KIAA1217: variants seen among roughly 807,000 people sequenced by gnomAD.
KIAA1217 encodes the protein sickle tail protein homolog.
KIAA1217 carries 88 observed loss-of-function variants against 163.9 expected under a neutral mutation model. The observed-to-expected ratio is 0.54, with a 90% CI of 0.45 to 0.64. KIAA1217 has a LOEUF of 0.64. Ranked by LOEUF, KIAA1217 falls within the 30% of genes least tolerant of loss-of-function variation. KIAA1217 has a pLI of 0.00. For synonymous variants in KIAA1217, 903 were observed against 923.1 expected, an observed-to-expected ratio of 0.98 and a Z score of 0.39; for missense variants, 2,372 against 2,475.0, an observed-to-expected ratio of 0.96 and a Z score of 0.88.
intron 2 of KIAA1217, among the ~76,000 whole-genome samples, chr10:24,314,003 C>A (rs558868722): frequency 1.3e-5 from 2 of 152,058 alleles, no homozygotes; most frequent in South Asian, 4.2e-4. Context: ...CCGCGCCCAG[C>A]TAATTTTTGT....
At chr10:24,034,223 T>C (rs1589262791) in intron 2 of KIAA1217, among the ~76,000 whole-genome samples, 1 of 152,262 alleles carries the variant, frequency 6.6e-6, no homozygotes, top group East Asian at 1.9e-4. Flanking sequence ...TCTCCTGGAT[T>C]ACATAACAAG....
chr10:23,882,511 A>G (rs61003584), intron 1 of KIAA1217, among the ~76,000 whole-genome samples: 1 of 151,878 alleles, frequency 6.6e-6, no homozygotes, highest in Non-Finnish European at 1.5e-5. Flanking sequence ...TTGAATTATG[A>G]TTGTTTTATG....
In KIAA1217 at chr10:24,428,148, G is replaced by A. The variant is rs1044777796; in HGVS notation, c.554-4847G>A. Among the ~76,000 whole-genome samples, 10 of 152,292 alleles carry A rather than the reference G, an allele frequency of 6.6e-5. No individual in the cohort carries two copies. In the South Asian group the frequency reaches 1.2e-3, roughly 19 times the overall value. ...GAAAATCAGACCATCTTCTGGGAGC[G>A]AGGCTGTGATACTTAACTGTAGGGA... On this transcript the variant is annotated intron_variant, in intron 3 of 20. Coordinates refer to ENST00000376454, the MANE Select transcript of KIAA1217 (RefSeq NM_019590.5).
At chr10:23,746,340 C>A (rs11013695) in intron 1 of KIAA1217, among the ~76,000 whole-genome samples, 5,163 of 152,270 alleles carry the variant, frequency 0.034, 120 homozygotes, top group Admixed American at 0.078. Context: ...TGGTGCCTTG[C>A]TTCTTGAACA....
At chr10:23,927,993 G>A (rs1338633766) in intron 1 of KIAA1217, among the ~76,000 whole-genome samples, 1 of 152,140 alleles carries the variant, frequency 6.6e-6, no homozygotes, top group Non-Finnish European at 1.5e-5. Context: ...GCAGTAACTC[G>A]TCCACCCAGC....
chr10:24,012,221 C>T (rs1847262751), intron 2 of KIAA1217, among the ~76,000 whole-genome samples: 1 of 152,116 alleles, frequency 6.6e-6, no homozygotes, highest in Non-Finnish European at 1.5e-5. Context: ...TCTCAAAGGA[C>T]TCCAAAATGG....
intron 2 of KIAA1217, among the ~76,000 whole-genome samples, chr10:24,134,626 T>G (rs915516172): frequency 6.6e-6 from 1 of 152,146 alleles, no homozygotes; most frequent in Non-Finnish European, 1.5e-5. Context: ...CAAGCTGGAG[T>G]GCAGTAGCAT....
At chr10:23,944,251 C>G (rs1337329808) in intron 1 of KIAA1217, among the ~76,000 whole-genome samples, 3 of 151,974 alleles carry the variant, frequency 2.0e-5, no homozygotes, top group Non-Finnish European at 4.4e-5. Flanking sequence ...ATGGGGAAAC[C>G]CCATATCTAC....
chr10:23,716,428 T>C (rs1336617199), intron 1 of KIAA1217, among the ~76,000 whole-genome samples: 2 of 152,210 alleles, frequency 1.3e-5, no homozygotes, highest in African/African-American at 4.8e-5. Flanking sequence ...GCTAAATAAA[T>C]GCAATATGTG....
At chr10:23,851,455 T>G (rs1361395232) in intron 1 of KIAA1217, among the ~76,000 whole-genome samples, 1 of 152,196 alleles carries the variant, frequency 6.6e-6, no homozygotes, top group African/African-American at 2.4e-5. Flanking sequence ...CTATTGTGAA[T>G]AGTGCCACAA....
chr10:23,897,612 C>T (rs1395971614), intron 1 of KIAA1217, among the ~76,000 whole-genome samples: 2 of 152,102 alleles, frequency 1.3e-5, no homozygotes, highest in East Asian at 3.9e-4. Context: ...TGAATGTGCT[C>T]TTATATAGGC....
intron 2 of KIAA1217, among the ~76,000 whole-genome samples, chr10:24,122,689 G>A (rs1412160116): frequency 6.6e-6 from 1 of 152,060 alleles, no homozygotes; most frequent in Non-Finnish European, 1.5e-5. Context: ...ATAACAAAAT[G>A]ATTTATGAAA....
At chr10:24,433,335 T>C (rs1490714071) in intron 4 of KIAA1217, 142 bp downstream of exon 4, 2 of 650,782 alleles carry the variant, frequency 3.1e-6, no homozygotes, top group South Asian at 4.0e-5. Context: ...TGTTTTTTGT[T>C]TTTTGTTTGG....
chr10:23,735,227 TTTTA>T (rs201836329), intron 1 of KIAA1217, among the ~76,000 whole-genome samples: 1 of 151,760 alleles, frequency 6.6e-6, no homozygotes, highest in Non-Finnish European at 1.5e-5. Flanking sequence ...AGCTGTATTA[TTTTA>T]TTTATTTATT....
At chr10:24,509,975 G>A (rs908328941) in intron 9 of KIAA1217, among the ~76,000 whole-genome samples, 1 of 152,040 alleles carries the variant, frequency 6.6e-6, no homozygotes, top group African/African-American at 2.4e-5. Flanking sequence ...TCTCAGGGGT[G>A]GCAGAAGAGG....
chr10:24,051,169 T>C (rs1393741848), intron 2 of KIAA1217, among the ~76,000 whole-genome samples: 1 of 152,132 alleles, frequency 6.6e-6, no homozygotes, highest in Non-Finnish European at 1.5e-5. Flanking sequence ...TGAGAACATA[T>C]GATGTTTGAT....
At chr10:23,964,862 G>A (rs1046105972) in intron 1 of KIAA1217, among the ~76,000 whole-genome samples, 2 of 152,136 alleles carry the variant, frequency 1.3e-5, no homozygotes, top group Non-Finnish European at 2.9e-5. Context: ...GCCAACAGTT[G>A]AATTCTTAAT....
rs141839903 is a variant in KIAA1217 at position 24,463,749 on chromosome 10, T to C, written c.847-9479T>C. Among the ~76,000 whole-genome samples the C allele has an allele frequency of 5.1e-3, 777 of 152,364 alleles. 8 individuals carry two copies. Among genetic ancestry groups the C allele is most frequent in the African/African-American group, 0.017 (720 of 41,586 alleles). ...GCCAGAGCATAAAAATTACTTCCTG[T>C]TGAGGTAATCCTGAATATTTCCTAG... On this transcript the variant is annotated intron_variant, in intron 5 of 20. Transcript: ENST00000376454.
intron 8 of KIAA1217, among the ~76,000 whole-genome samples, chr10:24,497,634 T>G (rs1369975631): frequency 6.6e-6 from 1 of 151,186 alleles, no homozygotes; most frequent in Non-Finnish European, 1.5e-5. Context: ...GTGGGAAGAC[T>G]GCTTGAGCCC....
Sources: allele counts gnomAD v4.1 joint callset (sites outside exome capture counted in the v4.1 genomes callset), GRCh38; gene constraint gnomAD v4.1.1; transcripts MANE v1.5; gene names NCBI Gene and HGNC (gene_info 2026-07-23, HGNC 2026-07-21).